The following SLC35A3 variants were observed in gnomAD, a reference collection of about 807,000 sequenced individuals.
The protein encoded by SLC35A3 is UDP-N-acetylglucosamine transporter.
Under a neutral mutation model 39.0 loss-of-function variants are expected in SLC35A3, and 26 were observed. The observed-to-expected ratio is 0.67, with a 90% CI of 0.49 to 0.92. The LOEUF is 0.92. Among genes scored for constraint, SLC35A3 ranks in the 40% least tolerant of loss-of-function variants. The pLI is 0.00. For missense variants in SLC35A3, 299 were observed against 371.6 expected (o/e 0.80, Z 1.61); for synonymous variants, 135 against 133.1 (o/e 1.01, Z -0.10).
rs1269158450 is a variant in SLC35A3, at chr1:100,011,370, C to T, written c.471C>T (p.Pro157=). ...TTATTTTTCTTCTTATTTAGTGGCCCTCAGATTCTCAGCTTGATTCTAAGG... is the reference window on the plus strand; with the variant it reads ...TTATTTTTCTTCTTATTTAGTGGCCTTCAGATTCTCAGCTTGATTCTAAGG... ...LMTGVAFVQW[P]SDSQLDSKEL... is the part of the protein sequence containing the mutation. Residue 157 remains proline (P), a synonymous_variant, in exon 5 of 8, where the codon CCC becomes CCT. Coordinates refer to ENST00000533028, the MANE Select transcript of SLC35A3 (RefSeq NM_012243.3). 3 of 1,492,702 alleles carry T rather than the reference C, an allele frequency of 2.0e-6. No homozygotes were observed. The South Asian group carries it at 4.2e-5, about 21-fold the overall frequency. The allele number at this position is 1,492,702 out of a possible 1,614,324, so 92.5% of individuals were successfully genotyped here.
At chr1:100,015,737 T>G (rs1313709230) in intron 6 of SLC35A3, 1 of 276,624 alleles carries the variant, frequency 3.6e-6, no homozygotes, top group East Asian at 6.2e-5. Context: ...ACAGGAAGTC[T>G]GGGTCAGCCA....
At chr1:100,002,600 T>C (rs894825379) in intron 3 of SLC35A3, among the ~76,000 whole-genome samples, 15 of 152,270 alleles carry the variant, frequency 9.9e-5, no homozygotes, top group African/African-American at 3.6e-4. Context: ...TTTCATTTAG[T>C]TCTGCCCTGA....
In SLC35A3 at chr1:99,990,734, C is replaced by A. The variant is rs560994759; in HGVS notation, c.-18-2803C>A. ...ATATTTGTGCTCTTCTCCTCTCTGT[C>A]CCCTGCCTCCCCAAATTCACATGTT... is the stretch of plus-strand genomic sequence containing the variant. On this transcript the variant is annotated intron_variant, in intron 1 of 7. Coordinates refer to ENST00000533028, the MANE Select transcript of SLC35A3 (RefSeq NM_012243.3). 7.2e-5 allele frequency among the ~76,000 whole-genome samples: 11 copies of A among 152,230 alleles called. No individual in the cohort carries two copies. The South Asian group carries it at 2.3e-3, about 32-fold the overall frequency.
In SLC35A3 at chr1:99,970,067, T is replaced by C. The variant is rs1447943698; in HGVS notation, c.-114T>C. 6.5e-6 allele frequency: 1 copy of C among 153,156 alleles called. No individual in the cohort carries two copies. The highest frequency in any genetic ancestry group is 1.9e-4 in the East Asian group (1 of 5,196). 9.5% of individuals were successfully genotyped at this position (153,156 alleles called of 1,614,324 possible). Reference sequence around the variant, plus strand: ...AGCCGGCGGCGCTGCGGGTCAGCGGTCGCGTAGGACCCAGCGGACTCGGCA... The same window carrying C: ...AGCCGGCGGCGCTGCGGGTCAGCGGCCGCGTAGGACCCAGCGGACTCGGCA... On this transcript the variant is annotated 5_prime_UTR_variant, in exon 1 of 8. Transcript: ENST00000533028.
chr1:100,018,334 T>C (rs1660307358), intron 7 of SLC35A3, among the ~76,000 whole-genome samples: 2 of 152,150 alleles, frequency 1.3e-5, no homozygotes, highest in African/African-American at 4.8e-5. Context: ...TTGAGTGTAA[T>C]GAATATCCAT....
chr1:100,024,599 T>G lies in SLC35A3; in HGVS notation c.*2123T>G. 1 of 257,014 alleles carries G rather than the reference T, an allele frequency of 3.9e-6. No homozygotes were observed. The highest frequency in any genetic ancestry group is 7.2e-6 in the Non-Finnish European group (1 of 138,502). The allele number at this position is 257,014 out of a possible 1,614,324, so 15.9% of individuals were successfully genotyped here. A position where few individuals can be genotyped will look rare whatever the true frequency, so the allele number is the denominator to read the frequency against. On this transcript the variant is annotated 3_prime_UTR_variant, in exon 8 of 8. Coordinates refer to ENST00000533028, the MANE Select transcript of SLC35A3 (RefSeq NM_012243.3). Reference sequence around the variant, plus strand: ...CACACACACACACACACCCACAGTATGAATGAAAAAAATAAAATACTTCTT... The same window carrying G: ...CACACACACACACACACCCACAGTAGGAATGAAAAAAATAAAATACTTCTT...
At chr1:100,010,818 T>G (rs1191524221) in intron 4 of SLC35A3, among the ~76,000 whole-genome samples, 2 of 152,214 alleles carry the variant, frequency 1.3e-5, no homozygotes, top group Non-Finnish European at 2.9e-5. Flanking sequence ...TAGGGTACTA[T>G]CCCTGGTGCA....
At chr1:99,978,385 G>A (rs1452601182) in intron 1 of SLC35A3, among the ~76,000 whole-genome samples, 2 of 152,144 alleles carry the variant, frequency 1.3e-5, no homozygotes, top group African/African-American at 4.8e-5. Flanking sequence ...AATTTAGCTA[G>A]GTGTGGTGGC....
At chr1:99,995,061 T>C (rs1445121296) in intron 2 of SLC35A3, among the ~76,000 whole-genome samples, 2 of 152,170 alleles carry the variant, frequency 1.3e-5, no homozygotes, top group African/African-American at 4.8e-5. Context: ...TAATAACTAA[T>C]GATGATGAAT....
intron 1 of SLC35A3, among the ~76,000 whole-genome samples, chr1:99,986,772 G>T (rs1050677565): frequency 2.0e-5 from 3 of 152,022 alleles, no homozygotes; most frequent in African/African-American, 7.2e-5. Flanking sequence ...ATTTTTTGTA[G>T]AGACAAGTTT....
At chr1:100,006,985 A>C (rs1659278215) in intron 3 of SLC35A3, 49 bp from the exon 4 acceptor site, 1 of 1,501,894 alleles carries the variant, frequency 6.7e-7, no homozygotes, top group African/African-American at 1.4e-5. Flanking sequence ...CTTAAGGAAC[A>C]AACAAACAAA....
At chr1:100,021,433 T>C (rs990874111) in intron 7 of SLC35A3, among the ~76,000 whole-genome samples, 2 of 152,006 alleles carry the variant, frequency 1.3e-5, no homozygotes, top group African/African-American at 4.8e-5. Context: ...TCACAGCACA[T>C]TGGGAGTCTG....
At chr1:100,019,463 G>T (rs1311251930) in intron 7 of SLC35A3, among the ~76,000 whole-genome samples, 1 of 152,130 alleles carries the variant, frequency 6.6e-6, no homozygotes, top group Non-Finnish European at 1.5e-5. Context: ...GGAGAAGATG[G>T]ATTCTTTTTC....
rs1212922244 is a variant in SLC35A3 at position 100,034,017 on chromosome 1, A to G, written c.*11541A>G. Reference sequence around the variant, plus strand: ...TAGATACTTAAAGTACACCTTGGCCATGTAGAAAATCCTTGACAAACATTT... The same window carrying G: ...TAGATACTTAAAGTACACCTTGGCCGTGTAGAAAATCCTTGACAAACATTT... On this transcript the variant is annotated 3_prime_UTR_variant, in exon 8 of 8. Transcript: ENST00000533028. 6.6e-6 allele frequency: 1 copy of G among 152,202 alleles called. No homozygotes were observed. The highest frequency in any genetic ancestry group is 1.5e-5 in the Non-Finnish European group (1 of 68,038). 9.4% of individuals were successfully genotyped at this position (152,202 alleles called of 1,614,324 possible).
At position 100,030,361 on chromosome 1, in the gene SLC35A3, G is replaced by T. The variant is rs186628330; in HGVS notation, c.*7885G>T. On this transcript the variant is annotated 3_prime_UTR_variant, in exon 8 of 8. Coordinates refer to ENST00000533028, the MANE Select transcript of SLC35A3 (RefSeq NM_012243.3). ...TTAGTGATAATCACTGAAAATTCAC[G>T]TTAAAATATACTTTAAGCTTGTCCA... 1 of 152,208 alleles carries T rather than the reference G, an allele frequency of 6.6e-6. No individual in the cohort carries two copies. The highest frequency in any genetic ancestry group is 1.5e-5 in the Non-Finnish European group (1 of 68,036). 9.4% of individuals were successfully genotyped at this position (152,208 alleles called of 1,614,324 possible).
intron 1 of SLC35A3, among the ~76,000 whole-genome samples, chr1:99,990,172 C>T (rs1657992324): frequency 6.6e-6 from 1 of 151,986 alleles, no homozygotes; most frequent in Non-Finnish European, 1.5e-5. Flanking sequence ...TTTCCTATGC[C>T]TTGTTATTAT....
At chr1:100,004,905 C>T (rs760386889) in intron 3 of SLC35A3, among the ~76,000 whole-genome samples, 11 of 151,724 alleles carry the variant, frequency 7.3e-5, no homozygotes, top group South Asian at 4.2e-4. Context: ...TGCCTGTGCA[C>T]GCCACCATGC....
Position 99,993,738 on chromosome 1 carries a change from A to G in SLC35A3, c.184A>G (p.Ser62Gly). The G allele has an allele frequency of 6.2e-7, 1 of 1,612,978 alleles. No individual in the cohort carries two copies. Among genetic ancestry groups the G allele is most frequent in the Non-Finnish European group, 8.5e-7 (1 of 1,179,660 alleles). The change falls in exon 2 of 8, where the codon AGC (serine) becomes GGC (glycine). Residue 62 changes from serine (S) to glycine (G), a missense_variant. Coordinates refer to ENST00000533028, the MANE Select transcript of SLC35A3 (RefSeq NM_012243.3). ...MACILLVYKD[S>G]KCSLRALNRV... ...CTGCATTTTATTGGTCTACAAAGAC[A>G]GCAGTAGGTATCTAGGTTTTTTGTT... is the stretch of plus-strand genomic sequence containing the variant.
intron 5 of SLC35A3, among the ~76,000 whole-genome samples, chr1:100,012,508 A>C (rs1256953802): frequency 2.0e-5 from 3 of 152,214 alleles, no homozygotes; most frequent in Non-Finnish European, 4.4e-5. Flanking sequence ...TACCTATCAC[A>C]ATTCAAAATT....
Sources: allele counts gnomAD v4.1 joint callset (sites outside exome capture counted in the v4.1 genomes callset), GRCh38; gene constraint gnomAD v4.1.1; transcripts MANE v1.5; gene names NCBI Gene and HGNC (gene_info 2026-07-23, HGNC 2026-07-21).